The following DYM variants were observed in gnomAD, a reference collection of about 807,000 sequenced individuals.
DYM encodes the protein dyggve-Melchior-Clausen syndrome protein.
In DYM, 78 loss-of-function variants were observed where a neutral mutation model predicts 93.1. That is an observed-to-expected ratio of 0.84 (90% confidence interval 0.70 to 1.01). The LOEUF (loss-of-function observed/expected upper bound fraction) is 1.01. DYM is among the 50% of genes least tolerant of loss of function. DYM has a pLI of 0.00. For missense variants in DYM, 789 were observed against 845.0 expected (o/e 0.93, Z 0.82); for synonymous variants, 321 against 319.7 (o/e 1.00, Z -0.04).
At chr18:49,388,909 C>A in intron 3 of DYM, among the ~76,000 whole-genome samples, 2 of 59,558 alleles carry the variant, frequency 3.4e-5, no homozygotes, top group Admixed American at 2.2e-4. Context: ...AGCACATTTT[C>A]AGACAAAAAA....
intron 17 of DYM, among the ~76,000 whole-genome samples, chr18:49,073,399 A>G (rs933719929): frequency 5.3e-4 from 80 of 152,348 alleles, no homozygotes; most frequent in African/African-American, 1.9e-3. Flanking sequence ...CAGATTAAAA[A>G]ATATGTAATT....
At chr18:49,176,287 T>C (rs993330195) in intron 14 of DYM, among the ~76,000 whole-genome samples, 4 of 152,302 alleles carry the variant, frequency 2.6e-5, no homozygotes, top group African/African-American at 7.2e-5. Flanking sequence ...CTGGTAACTA[T>C]ACTACCAAAT....
chr18:49,241,766 A>G (rs573136218), intron 13 of DYM, among the ~76,000 whole-genome samples: 3 of 152,376 alleles, frequency 2.0e-5, no homozygotes, highest in Admixed American at 6.5e-5. Context: ...TCAAGAACTG[A>G]TATCTGCCGA....
At chr18:49,151,883 CAAAT>C (rs1054798232) in intron 15 of DYM, among the ~76,000 whole-genome samples, 1 of 152,024 alleles carries the variant, frequency 6.6e-6, no homozygotes, top group Non-Finnish European at 1.5e-5. Context: ...AAAGATTTCT[CAAAT>C]AAGTAAAAGG....
chr18:49,080,490 G>C (rs1272308118), intron 17 of DYM, among the ~76,000 whole-genome samples: 1 of 144,966 alleles, frequency 6.9e-6, no homozygotes, highest in African/African-American at 2.6e-5. Context: ...CCTCCCGGAC[G>C]GGGCGGCTGG....
chr18:49,456,226 G>T (rs1417686325), intron 1 of DYM, among the ~76,000 whole-genome samples: 1 of 152,218 alleles, frequency 6.6e-6, no homozygotes, highest in Admixed American at 6.5e-5. Flanking sequence ...CTGGGTTCCT[G>T]ATGACAGCAG....
intron 15 of DYM, among the ~76,000 whole-genome samples, chr18:49,132,051 C>T (rs185032727): frequency 2.4e-3 from 366 of 152,124 alleles, no homozygotes; most frequent in African/African-American, 7.7e-3. Flanking sequence ...TTGAGACTTC[C>T]GGAGAAATGT....
At chr18:49,449,215 T>G (rs2148680826) in intron 1 of DYM, among the ~76,000 whole-genome samples, 1 of 152,300 alleles carries the variant, frequency 6.6e-6, no homozygotes, top group East Asian at 1.9e-4. Context: ...ATAGAAGCTT[T>G]CCAAAATTTA....
At chr18:49,259,137 G>A (rs1459233833) in intron 11 of DYM, among the ~76,000 whole-genome samples, 4 of 152,084 alleles carry the variant, frequency 2.6e-5, no homozygotes, top group Non-Finnish European at 5.9e-5. Context: ...GAGACTGCTG[G>A]GCTGATTCTT....
intron 1 of DYM, chr18:49,447,500 G>C (rs1170912320): frequency 6.6e-6 from 1 of 152,214 alleles, no homozygotes; most frequent in African/African-American, 2.4e-5. Context: ...GGGGAAGAGC[G>C]AACTCTAACT....
At chr18:49,154,677 G>A (rs948575520) in intron 15 of DYM, among the ~76,000 whole-genome samples, 9 of 152,070 alleles carry the variant, frequency 5.9e-5, no homozygotes, top group African/African-American at 1.4e-4. Context: ...TTACAGGTGT[G>A]AGCCAATGCG....
chr18:49,271,181 T>C (rs1432130622), intron 11 of DYM, among the ~76,000 whole-genome samples: 4 of 152,138 alleles, frequency 2.6e-5, no homozygotes, highest in African/African-American at 9.7e-5. Flanking sequence ...AAATTTTCAG[T>C]TCTGTTGAAG....
chr18:49,383,286 A>AT lies in DYM; in HGVS notation c.194-3529dup, dbSNP rs199592335. 5.0e-3 allele frequency among the ~76,000 whole-genome samples: 755 copies of AT among 151,652 alleles called. 3 individuals are homozygous for AT. Among genetic ancestry groups the AT allele is most frequent in the Middle Eastern group, 0.034 (10 of 294 alleles). The stretch of plus-strand genomic sequence containing the variant: ...GTTGTTTTTTTAATAAGATAGTGGT[A>AT]TTTTTTTTTAAGAATCCTTATTTAG... On this transcript the variant is annotated intron_variant, in intron 3 of 17. Transcript: ENST00000675505.
chr18:49,418,005 A>G (rs1220408621), intron 2 of DYM: 1 of 146,276 alleles, frequency 6.8e-6, no homozygotes, highest in Non-Finnish European at 1.5e-5. Context: ...GGTTGTGGTG[A>G]GCCGAGATCA....
At chr18:49,148,110 G>T (rs1029548429) in intron 15 of DYM, among the ~76,000 whole-genome samples, 13 of 152,132 alleles carry the variant, frequency 8.5e-5, no homozygotes, top group African/African-American at 2.9e-4. Flanking sequence ...ACCAAACACC[G>T]CATGTTCTCA....
At position 49,215,927 on chromosome 18, in the gene DYM, G is replaced by A. The variant is rs368293638; in HGVS notation, c.1461-6212C>T. Among the ~76,000 whole-genome samples, 27 of 152,342 alleles carry A rather than the reference G, an allele frequency of 1.8e-4. No individual in the cohort carries two copies. In the South Asian group the frequency reaches 4.1e-3, roughly 23 times the overall value. On this transcript the variant is annotated intron_variant, in intron 13 of 17. Transcript: ENST00000675505. ...GGACAGTGGGTGCAGCGCACCGTGC[G>A]GGAGCCGAAGCAGGGCGAGGCATTG... is the stretch of plus-strand genomic sequence containing the variant.
At chr18:49,085,146 A>G (rs563366217) in intron 17 of DYM, among the ~76,000 whole-genome samples, 2 of 152,292 alleles carry the variant, frequency 1.3e-5, no homozygotes, top group South Asian at 4.1e-4. Flanking sequence ...TATGACCAAA[A>G]ACAGGGATTA....
chr18:49,123,043 TTC>T lies in DYM; in HGVS notation c.1729-4119_1729-4118del, dbSNP rs2082519823. Among the ~76,000 whole-genome samples the T allele has an allele frequency of 3.3e-5, 5 of 152,320 alleles. 1 individual carries two copies. The South Asian group carries it at 8.3e-4, about 25-fold the overall frequency. ...CTCTCACAGTCATGTTCTTACTTAT[TTC>T]TGTTTTTATTTCCTATTTATTCTTT... On this transcript the variant is annotated intron_variant, in intron 15 of 17. Coordinates refer to ENST00000675505, the MANE Select transcript of DYM (RefSeq NM_001353214.3).
intron 17 of DYM, among the ~76,000 whole-genome samples, chr18:49,067,572 G>C (rs973862771): frequency 1.3e-5 from 2 of 152,060 alleles, no homozygotes; most frequent in Non-Finnish European, 2.9e-5. Flanking sequence ...GCTGGCCCTC[G>C]TGGGAAACAA....
Sources: gnomAD v4.1 joint callset for allele counts (sites outside exome capture counted in the v4.1 genomes callset) on GRCh38, gnomAD v4.1.1 for gene constraint, MANE v1.5 for transcripts, NCBI Gene and HGNC (gene_info 2026-07-23, HGNC 2026-07-21) for gene names.